Variants in CELF2 observed in about 807,000 individuals in gnomAD.
The protein encoded by CELF2 is CUG triplet repeat RNA-binding protein 2.
Under a neutral mutation model 62.6 loss-of-function variants are expected in CELF2, and 8 were observed. The ratio of observed to expected loss-of-function variants is 0.13; its 90% CI spans 0.07 to 0.23. The LOEUF is 0.23. CELF2 is among the 10% of genes least tolerant of loss of function. CELF2 has a pLI of 1.00. For missense variants in CELF2, 333 were observed against 671.0 expected (o/e 0.50, Z 5.56); for synonymous variants, 258 against 250.0 (o/e 1.03, Z -0.30).
At chr10:11,278,915 GC>G (rs1327267088) in intron 8 of CELF2, among the ~76,000 whole-genome samples, 2 of 152,190 alleles carry the variant, frequency 1.3e-5, no homozygotes, top group African/African-American at 4.8e-5. Context: ...CTAGTAGGTG[GC>G]AGGACCAAGC....
At chr10:11,066,127 C>T (rs909855468) in intron 1 of CELF2, among the ~76,000 whole-genome samples, 1 of 152,148 alleles carries the variant, frequency 6.6e-6, no homozygotes, top group Non-Finnish European at 1.5e-5. Flanking sequence ...AGGGCCTTGT[C>T]AGCAGTTAGG....
intron 1 of CELF2, among the ~76,000 whole-genome samples, chr10:11,115,493 A>G (rs1750739): frequency 0.14 from 21,705 of 152,204 alleles, 2,819 homozygotes; most frequent in East Asian, 0.64. Flanking sequence ...TCCATTATCC[A>G]TATCTGCTGA....
chr10:10,590,181 G>A, the CELF2 span, among the ~76,000 whole-genome samples: 2 of 151,992 alleles, frequency 1.3e-5, no homozygotes, highest in South Asian at 2.1e-4. Context: ...ACACACACAG[G>A]CTTTTATAAT....
At chr10:10,905,150 G>A (rs2134194096) in intron 1 of CELF2, among the ~76,000 whole-genome samples, 1 of 152,260 alleles carries the variant, frequency 6.6e-6, no homozygotes, top group Non-Finnish European at 1.5e-5. Flanking sequence ...GTCGACCTGT[G>A]GAATATGTGT....
At chr10:10,596,076 A>G in the CELF2 span, among the ~76,000 whole-genome samples, 13 of 152,140 alleles carry the variant, frequency 8.5e-5, no homozygotes, top group East Asian at 2.5e-3. Flanking sequence ...TCCTGGGAGA[A>G]GCAAGAACCC....
the CELF2 span, among the ~76,000 whole-genome samples, chr10:10,598,766 T>TTC: frequency 7.4e-6 from 1 of 135,428 alleles, no homozygotes. Context: ...TTTTTTTTTT[T>TTC]TTTTTTTTTT....
the CELF2 span, among the ~76,000 whole-genome samples, chr10:10,774,400 T>G: frequency 6.6e-6 from 1 of 152,206 alleles, no homozygotes; most frequent in Non-Finnish European, 1.5e-5. Flanking sequence ...TAATCCCCCA[T>G]GCTGGAGGTG....
intron 9 of CELF2, among the ~76,000 whole-genome samples, chr10:11,313,838 C>T (rs1161533589): frequency 6.6e-6 from 1 of 151,790 alleles, no homozygotes; most frequent in East Asian, 1.9e-4. Flanking sequence ...ATAATGAAGC[C>T]AAAGAATGAT....
In CELF2 at chr10:10,833,142, T is replaced by G. The variant is rs140494083; in HGVS notation, c.53+34325T>G. ...TCATACTTTTGAGGATTCATTCTCATGCATAAAACTTTTGTGATAACGCCT... is the reference window on the plus strand; with the variant it reads ...TCATACTTTTGAGGATTCATTCTCAGGCATAAAACTTTTGTGATAACGCCT... On this transcript the variant is annotated intron_variant, in intron 1 of 13. Coordinates refer to the CELF2 transcript ENST00000636488. Among the ~76,000 whole-genome samples the G allele has an allele frequency of 6.0e-4, 92 of 152,242 alleles. 3 individuals carry two copies. In the East Asian group the frequency reaches 0.012, roughly 20 times the overall value.
At chr10:11,077,203 A>G (rs1041291437) in intron 1 of CELF2, among the ~76,000 whole-genome samples, 4 of 152,204 alleles carry the variant, frequency 2.6e-5, no homozygotes, top group Non-Finnish European at 1.5e-5. Context: ...CAGTGTACAG[A>G]GGGGTTGTAA....
chr10:11,313,681 T>C (rs150121940), intron 9 of CELF2, among the ~76,000 whole-genome samples: 1 of 150,560 alleles, frequency 6.6e-6, no homozygotes, highest in East Asian at 2.0e-4. Flanking sequence ...AACAGAAAAA[T>C]AGGAACACTC....
the CELF2 span, among the ~76,000 whole-genome samples, chr10:10,642,218 G>A: frequency 2.6e-5 from 4 of 152,200 alleles, no homozygotes; most frequent in African/African-American, 7.2e-5. Context: ...ACTATCTGAG[G>A]CAAATTCTTC....
chr10:10,649,828 C>T, the CELF2 span, among the ~76,000 whole-genome samples: 2 of 152,168 alleles, frequency 1.3e-5, no homozygotes, highest in African/African-American at 2.4e-5. Context: ...CACTTGCTTT[C>T]GAGGACAGAG....
At chr10:10,984,196 G>A (rs932145578) in intron 2 of CELF2, among the ~76,000 whole-genome samples, 2 of 152,136 alleles carry the variant, frequency 1.3e-5, no homozygotes, top group Non-Finnish European at 2.9e-5. Context: ...CTTACTGAAG[G>A]ACACACAGAG....
chr10:10,833,904 A>G (rs1356056290), intron 1 of CELF2, among the ~76,000 whole-genome samples: 1 of 152,232 alleles, frequency 6.6e-6, no homozygotes, highest in African/African-American at 2.4e-5. Flanking sequence ...AACAGTGTGG[A>G]AATTCCTAAA....
At position 10,801,898 on chromosome 10, in the gene CELF2, T is replaced by C. The variant is rs557092682; in HGVS notation, c.53+3081T>C. ...TTATAAGCCTTTCTCAAGAACTGTC[T>C]ATTTGAAATCGCTCCATCCTTGTTC... is the stretch of plus-strand genomic sequence containing the variant. On this transcript the variant is annotated intron_variant, in intron 1 of 13. Coordinates refer to the CELF2 transcript ENST00000636488. Among the ~76,000 whole-genome samples the C allele has an allele frequency of 5.9e-5, 9 of 152,340 alleles. No individual in the cohort carries two copies. In the South Asian group the frequency reaches 1.9e-3, roughly 32 times the overall value.
chr10:11,068,856 G>T (rs191038858), intron 1 of CELF2, among the ~76,000 whole-genome samples: 212 of 152,196 alleles, frequency 1.4e-3, no homozygotes, highest in Admixed American at 4.4e-3. Flanking sequence ...CACCGCACCC[G>T]GCCTCATTAT....
At chr10:10,662,115 G>A in the CELF2 span, among the ~76,000 whole-genome samples, 1 of 152,114 alleles carries the variant, frequency 6.6e-6, no homozygotes, top group East Asian at 1.9e-4. Flanking sequence ...AGCACTGGGT[G>A]CATGGGAGCA....
rs1325423884 is a variant in CELF2 at position 10,990,965 on chromosome 10, T to TTGTGTGTGTG, written c.89+70968_89+70969insTGTGTGTGTG. On this transcript the variant is annotated intron_variant, in intron 2 of 13. Coordinates refer to the CELF2 transcript ENST00000636488. This position sits in a 1 kb window ranked among gnomAD's most constrained non-coding sequence, Gnocchi z 4.6. ...CTTACAGCATCTTTTTGAGGTTCTT[T>TTGTGTGTGTG]TGCGTGTGTGTGTGTGTGTGTGTGC... is the stretch of plus-strand genomic sequence containing the variant. 1.3e-5 allele frequency among the ~76,000 whole-genome samples: 2 copies of TTGTGTGTGTG among 149,664 alleles called. No individual in the cohort carries two copies. The highest frequency in any genetic ancestry group is 5.0e-5 in the African/African-American group (2 of 39,964).
Sources: allele counts gnomAD v4.1 joint callset (sites outside exome capture counted in the v4.1 genomes callset), GRCh38; gene constraint gnomAD v4.1.1; non-coding constraint Gnocchi (gnomAD v3.1); transcripts MANE v1.5; gene names NCBI Gene and HGNC (gene_info 2026-07-23, HGNC 2026-07-21).